The following ABCF2 variants were observed in gnomAD, a reference collection of about 807,000 sequenced individuals.
ABCF2 encodes ATP-binding cassette sub-family F member 2.
In ABCF2, 37 loss-of-function variants were observed where a neutral mutation model predicts 76.9. The ratio of observed to expected loss-of-function variants is 0.48; its 90% confidence interval spans 0.37 to 0.63. The LOEUF (loss-of-function observed/expected upper bound fraction) is 0.63. ABCF2 is among the 30% of genes least tolerant of loss of function. The pLI is 0.00. For missense variants in ABCF2, 524 were observed against 782.1 expected (o/e 0.67, Z 3.94); for synonymous variants, 299 against 283.7 (o/e 1.05, Z -0.54).
intron 11 of ABCF2, among the ~76,000 whole-genome samples, chr7:151,217,874 C>T (rs1156452695): frequency 6.6e-6 from 1 of 152,140 alleles, no homozygotes. Context: ...CCTACCTATC[C>T]CTGTCCCAGG....
chr7:151,220,277 T>C (rs559978813), intron 7 of ABCF2, among the ~76,000 whole-genome samples: 4 of 150,068 alleles, frequency 2.7e-5, no homozygotes, highest in Non-Finnish European at 4.4e-5. Context: ...TAGTCCCAGC[T>C]ACTCAGGAAG....
At chr7:151,218,676 A>C in intron 9 of ABCF2, 26 bp from the exon 10 acceptor site, 2 of 1,613,590 alleles carry the variant, frequency 1.2e-6, no homozygotes, top group Non-Finnish European at 1.7e-6. Context: ...GGCATTTATC[A>C]AGTTGGCTCC....
chr7:151,218,689 T>C, intron 9 of ABCF2, 39 bp from the exon 10 acceptor site: 1 of 1,613,562 alleles, frequency 6.2e-7, no homozygotes, highest in Non-Finnish European at 8.5e-7. Context: ...TTGGCTCCTT[T>C]CTTATCCACC....
At position 151,213,790 on chromosome 7, in the gene ABCF2, A is replaced by AAC; in HGVS notation, c.*262_*263dup. The AAC allele has an allele frequency of 7.8e-7, 1 of 1,277,414 alleles. No homozygotes were observed. Among genetic ancestry groups the AAC allele is most frequent in the Non-Finnish European group, 9.9e-7 (1 of 1,011,188 alleles). The allele number at this position is 1,277,414 out of a possible 1,614,324, so 79.1% of individuals were successfully genotyped here. A position where few individuals can be genotyped will look rare whatever the true frequency, so the allele number is the denominator to read the frequency against. Reference sequence around the variant, plus strand: ...GACTGCATCACACTCAGAGTAAGATAACCAGCAAGGGGCTGGAGGGAACGG... The same window carrying AAC: ...GACTGCATCACACTCAGAGTAAGATAACACCAGCAAGGGGCTGGAGGGAACGG... On this transcript the variant is annotated 3_prime_UTR_variant, in exon 15 of 15. Transcript: ENST00000287844.
chr7:151,218,800 T>C lies in ABCF2; in HGVS notation c.1091A>G (p.Gln364Arg). 6.2e-7 allele frequency: 1 copy of C among 1,613,676 alleles called. No individual in the cohort carries two copies. The highest frequency in any genetic ancestry group is 8.5e-7 in the Non-Finnish European group (1 of 1,179,956). ...TGTCAGTCCTGATGCCATCATTTTC[T>C]GTAGCGTCTTCTCCTTGCTCTGGGC... Reference protein sequence around the residue: ...RQAQSKEKTLQKMMASGLTER... With the variant: ...RQAQSKEKTLRKMMASGLTER... The change falls in exon 9 of 15, where the codon CAG (glutamine) becomes CGG (arginine). Residue 364 changes from glutamine (Q) to arginine (R), a missense_variant. Around this residue, in one of 2 missense-constraint regions of ABCF2, gnomAD observed 194 missense variants for 348.6 expected, o/e 0.56. Coordinates refer to ENST00000287844, the MANE Select transcript of ABCF2 (RefSeq NM_007189.3).
At chr7:151,220,443 C>G (rs1802244705) in intron 7 of ABCF2, among the ~76,000 whole-genome samples, 2 of 147,038 alleles carry the variant, frequency 1.4e-5, no homozygotes, top group Admixed American at 6.8e-5. Context: ...ATTACGTATA[C>G]ATGACATTTT....
intron 5 of ABCF2, among the ~76,000 whole-genome samples, chr7:151,223,201 G>T (rs1484244387): frequency 6.6e-6 from 1 of 152,104 alleles, no homozygotes; most frequent in Non-Finnish European, 1.5e-5. Context: ...AGAATGATGG[G>T]GCAAGGAATT....
At chr7:151,222,433 T>C in intron 6 of ABCF2, 88 bp downstream of exon 6, 2 of 1,089,336 alleles carry the variant, frequency 1.8e-6, no homozygotes, top group Non-Finnish European at 2.8e-6. Flanking sequence ...TTCTCACCGC[T>C]CTAACATCAG....
At position 151,219,148 on chromosome 7, in the gene ABCF2, A is replaced by C; in HGVS notation, c.933T>G (p.Asp311Glu). The change falls in exon 8 of 15, where the codon GAT becomes GAG. Residue 311 changes from aspartate to glutamate, a missense_variant. By Grantham distance (45) the Asp-to-Glu change is conservative. Around this residue, in one of 2 missense-constraint regions of ABCF2, gnomAD observed 330 missense variants for 433.6 expected, o/e 0.76. Transcript: ENST00000287844. ...KKLKYYTGNY[D>E]QYVKTRLELE... The stretch of plus-strand genomic sequence containing the variant: ...GCTCTAGCCGCGTCTTCACGTACTG[A>C]TCATAATTACCCTGCATGGAAATGT... 1 of 1,613,840 alleles carries C rather than the reference A, an allele frequency of 6.2e-7. No homozygotes were observed. The highest frequency in any genetic ancestry group is 8.5e-7 in the Non-Finnish European group (1 of 1,179,916).
intron 7 of ABCF2, among the ~76,000 whole-genome samples, chr7:151,221,349 GCCA>G (rs1320149356): frequency 6.6e-6 from 1 of 152,012 alleles, no homozygotes; most frequent in South Asian, 2.1e-4. Flanking sequence ...ACAGGCACCT[GCCA>G]CCACGCCTGG....
chr7:151,224,742 G>A (rs1563618442), intron 3 of ABCF2, 34 bp downstream of exon 3: 1 of 1,575,052 alleles, frequency 6.3e-7, no homozygotes, highest in Non-Finnish European at 8.7e-7. Context: ...GAGCTAAGGA[G>A]AGATACCTCC....
At chr7:151,221,728 A>G in intron 6 of ABCF2, 48 bp from the exon 7 acceptor site, 1 of 1,360,132 alleles carries the variant, frequency 7.4e-7, no homozygotes, top group Non-Finnish European at 1.1e-6. Flanking sequence ...CATGGGAGCT[A>G]GCTGACAACA....
In ABCF2 at chr7:151,212,742, T is replaced by C. The variant is rs1021176207; in HGVS notation, c.*1312A>G. On this transcript the variant is annotated 3_prime_UTR_variant, in exon 15 of 15. Coordinates refer to ENST00000287844, the MANE Select transcript of ABCF2 (RefSeq NM_007189.3). ...CTAGGCTCAATTGATCCTCCTACAG[T>C]GGCCTCCCAAGGTGATGAGCTTACA... The C allele has an allele frequency of 6.4e-6, 1 of 156,950 alleles. No individual in the cohort carries two copies. Among genetic ancestry groups the C allele is most frequent in the Non-Finnish European group, 1.4e-5 (1 of 72,416 alleles). The allele number at this position is 156,950 out of a possible 1,614,324, so 9.7% of individuals were successfully genotyped here.
At chr7:151,225,686 AG>A (rs1802358269) in intron 2 of ABCF2, among the ~76,000 whole-genome samples, 1 of 152,232 alleles carries the variant, frequency 6.6e-6, no homozygotes, top group Non-Finnish European at 1.5e-5. Flanking sequence ...GGGAGTTTTC[AG>A]GGGGCAGGGA....
rs948500595 is a variant in ABCF2, at chr7:151,211,690, G to T, written c.*2364C>A. On this transcript the variant is annotated 3_prime_UTR_variant, in exon 15 of 15. Transcript: ENST00000287844. ...CACTTCCTTAAGTATCAAGGGCTCT[G>T]TCCCTCACTGTCCCCATTATCCCAG... 1.7e-5 allele frequency: 17 copies of T among 985,226 alleles called. No homozygotes were observed. Among genetic ancestry groups the T allele is most frequent in the Middle Eastern group, 1.0e-3 (2 of 1,936 alleles). 61.0% of individuals were successfully genotyped at this position (985,226 alleles called of 1,614,324 possible). A position where few individuals can be genotyped will look rare whatever the true frequency, so the allele number is the denominator to read the frequency against.
At chr7:151,221,001 T>G (rs1196192409) in intron 7 of ABCF2, among the ~76,000 whole-genome samples, 1 of 152,186 alleles carries the variant, frequency 6.6e-6, no homozygotes, top group Non-Finnish European at 1.5e-5. Flanking sequence ...GCAAGGCAGA[T>G]GAGAGCAGGG....
rs1306186963 is a variant in ABCF2 at position 151,226,510 on chromosome 7, G to A, written c.-42-10C>T. ...TGTTGTTTCAGGGAGCCTGAAGGAA[G>A]GCAAACAGATACCCCCAAACCCTAA... On this transcript the variant is annotated splice_polypyrimidine_tract_variant and intron_variant, in intron 1 of 14. Coordinates refer to ENST00000287844, the MANE Select transcript of ABCF2 (RefSeq NM_007189.3). 2 of 1,584,696 alleles carry A rather than the reference G, an allele frequency of 1.3e-6. No individual in the cohort carries two copies. The highest frequency in any genetic ancestry group is 1.8e-5 in the Admixed American group (1 of 56,506).
Position 151,212,362 on chromosome 7 carries a change from A to C in ABCF2, c.*1692T>G, listed in dbSNP as rs773429903. On this transcript the variant is annotated 3_prime_UTR_variant, in exon 15 of 15. Transcript: ENST00000287844. ...TGATAACTATGGCTGTGGACAGGTA[A>C]AAATACAAAATTTCCTGTATCCCAA... The C allele has an allele frequency of 4.3e-5, 42 of 985,482 alleles. No homozygotes were observed. The highest frequency in any genetic ancestry group is 5.2e-4 in the Middle Eastern group (1 of 1,914). 61.0% of individuals were successfully genotyped at this position (985,482 alleles called of 1,614,324 possible). A position where few individuals can be genotyped will look rare whatever the true frequency, so the allele number is the denominator to read the frequency against.
In ABCF2 at chr7:151,226,438, CTTGGCCAGG is replaced by C; in HGVS notation, c.12_20del (p.Asp4_Lys7delinsGlu). The C allele has an allele frequency of 6.2e-7, 1 of 1,614,136 alleles. No individual in the cohort carries two copies. Among genetic ancestry groups the C allele is most frequent in the Non-Finnish European group, 8.5e-7 (1 of 1,180,014 alleles). On this transcript the variant is annotated inframe_deletion, in exon 2 of 15. Coordinates refer to ENST00000287844, the MANE Select transcript of ABCF2 (RefSeq NM_007189.3). ...CCTCCTTCTTTTTGGCTGCCTTCTT[CTTGGCCAGG>C]TCGGAGGGCATGATGATGACCCACA...
Sources: gnomAD v4.1 joint callset for allele counts (sites outside exome capture counted in the v4.1 genomes callset) on GRCh38, gnomAD v4.1.1 for gene constraint, gnomAD v4.1.1 regional missense constraint, MANE v1.5 for transcripts, NCBI Gene and HGNC (gene_info 2026-07-23, HGNC 2026-07-21) for gene names.